Variants in PCDH15 observed in about 807,000 individuals in gnomAD.
PCDH15 encodes protocadherin-15.
In PCDH15, 129 loss-of-function variants were observed where a neutral mutation model predicts 178.5. The observed-to-expected ratio is 0.72, with a 90% confidence interval of 0.63 to 0.84. PCDH15 has a LOEUF of 0.84. PCDH15 is among the 40% of genes least tolerant of loss of function. PCDH15 has a pLI of 0.00. For missense variants in PCDH15, 2,230 were observed against 2,099.9 expected (o/e 1.06, Z -1.21); for synonymous variants, 800 against 732.0 (o/e 1.09, Z -1.50).
At chr10:54,478,272 A>T (rs1013146573) in intron 3 of PCDH15, among the ~76,000 whole-genome samples, 3 of 152,126 alleles carry the variant, frequency 2.0e-5, no homozygotes, top group Admixed American at 6.6e-5. Flanking sequence ...GATATTTTTT[A>T]AAAAATGAAA....
intron 2 of PCDH15, among the ~76,000 whole-genome samples, chr10:55,583,123 G>A (rs1842656278): frequency 6.6e-6 from 1 of 151,990 alleles, no homozygotes; most frequent in Non-Finnish European, 1.5e-5. Flanking sequence ...ATTAAAACAT[G>A]AATCTCCATG....
intron 2 of PCDH15, among the ~76,000 whole-genome samples, chr10:54,629,410 C>T (rs981361302): frequency 2.6e-5 from 4 of 152,098 alleles, no homozygotes; most frequent in African/African-American, 9.7e-5. Context: ...ATCAAGAAGG[C>T]TATATTCCTG....
At chr10:54,632,503 A>G (rs1472729913) in intron 2 of PCDH15, among the ~76,000 whole-genome samples, 1 of 152,122 alleles carries the variant, frequency 6.6e-6, no homozygotes, top group South Asian at 2.1e-4. Flanking sequence ...ATCAAGGGAA[A>G]CTGTGTGAGA....
chr10:54,353,415 G>T (rs530992322), intron 5 of PCDH15, among the ~76,000 whole-genome samples: 6 of 152,146 alleles, frequency 3.9e-5, no homozygotes, highest in Admixed American at 1.3e-4. Flanking sequence ...AAAATGCAGA[G>T]ATCTTAAATA....
chr10:54,152,956 A>T (rs2044688116), intron 14 of PCDH15, 144 bp downstream of exon 14: 5 of 965,252 alleles, frequency 5.2e-6, no homozygotes, highest in South Asian at 4.3e-5. Flanking sequence ...ATATGCATGC[A>T]GTTCCTGAGA....
chr10:53,854,109 T>TA (rs2078571977), intron 28 of PCDH15, among the ~76,000 whole-genome samples: 1 of 152,028 alleles, frequency 6.6e-6, no homozygotes, highest in Non-Finnish European at 1.5e-5. Context: ...TGCTAAGCTG[T>TA]AACATGGATG....
chr10:54,725,419 G>C (rs1475135788), intron 1 of PCDH15, among the ~76,000 whole-genome samples: 2 of 146,086 alleles, frequency 1.4e-5, no homozygotes, highest in Non-Finnish European at 3.0e-5. Context: ...CCTCATGCCA[G>C]TAATCCCAGC....
At chr10:54,049,574 T>G (rs1212921346) in intron 18 of PCDH15, among the ~76,000 whole-genome samples, 1 of 152,136 alleles carries the variant, frequency 6.6e-6, no homozygotes. Context: ...GTTTTTATCA[T>G]GAGGAAATAT....
intron 2 of PCDH15, among the ~76,000 whole-genome samples, chr10:55,125,848 T>C (rs1426806947): frequency 1.3e-5 from 2 of 152,116 alleles, no homozygotes; most frequent in African/African-American, 2.4e-5. Flanking sequence ...CAGGTTGGCA[T>C]AGCTTGGTAG....
intron 9 of PCDH15, among the ~76,000 whole-genome samples, chr10:54,230,979 A>G (rs1197467322): frequency 6.6e-6 from 1 of 152,242 alleles, no homozygotes; most frequent in Non-Finnish European, 1.5e-5. Flanking sequence ...TATTAATGAC[A>G]GTGCTGCAAC....
intron 2 of PCDH15, among the ~76,000 whole-genome samples, chr10:55,157,805 T>C (rs1418634608): frequency 7.6e-6 from 1 of 130,808 alleles, no homozygotes; most frequent in African/African-American, 2.8e-5. Flanking sequence ...GGGCCTGCTG[T>C]GGGGTGGGGG....
intron 3 of PCDH15, among the ~76,000 whole-genome samples, chr10:54,488,511 G>C (rs1402466204): frequency 2.0e-5 from 3 of 151,778 alleles, no homozygotes; most frequent in Non-Finnish European, 4.4e-5. Flanking sequence ...TAGCATAGCT[G>C]TAGTGTTAGA....
intron 2 of PCDH15, among the ~76,000 whole-genome samples, chr10:55,101,812 C>T (rs1842583458): frequency 6.6e-6 from 1 of 151,326 alleles, no homozygotes; most frequent in South Asian, 2.1e-4. Context: ...CCAGAAAGAA[C>T]AATTTTAAAA....
chr10:55,315,189 A>G (rs1172356002), intron 1 of PCDH15, among the ~76,000 whole-genome samples: 1 of 152,160 alleles, frequency 6.6e-6, no homozygotes, highest in African/African-American at 2.4e-5. Context: ...ACAATACATA[A>G]TTATATTTGA....
At chr10:54,421,822 A>AGTGTGTG (rs1554963565) in intron 3 of PCDH15, among the ~76,000 whole-genome samples, 27 of 75,468 alleles carry the variant, frequency 3.6e-4, no homozygotes, top group African/African-American at 1.5e-3. Context: ...GTGTGTATAT[A>AGTGTGTG]TATATATATA....
rs2094145146 is a variant in PCDH15 at position 54,066,855 on chromosome 10, T to C, written c.2122A>G (p.Thr708Ala). Residue 708 changes from threonine to alanine, a missense_variant, in exon 18 of 38, where the codon ACA becomes GCA. Coordinates refer to ENST00000644397, the MANE Select transcript of PCDH15 (RefSeq NM_001384140.1). ...ACTGGAGCATTGTCATTGACATCTG[T>C]CACCACTATGTTTACTGTGGCAGTT... ...TSTATVNIVV[T>A]DVNDNAPVFD... 6.2e-7 allele frequency: 1 copy of C among 1,613,386 alleles called. No homozygotes were observed. The highest frequency in any genetic ancestry group is 2.2e-5 in the East Asian group (1 of 44,780).
chr10:55,461,649 C>A (rs1839681489), intron 2 of PCDH15, among the ~76,000 whole-genome samples: 1 of 152,006 alleles, frequency 6.6e-6, no homozygotes, highest in Non-Finnish European at 1.5e-5. Flanking sequence ...GATATAAGGT[C>A]AAGTTTTCAG....
intron 8 of PCDH15, among the ~76,000 whole-genome samples, chr10:54,247,624 G>A (rs948602438): frequency 2.6e-5 from 4 of 151,796 alleles, no homozygotes; most frequent in Admixed American, 6.6e-5. Flanking sequence ...GGCTCACAGC[G>A]CTTCATTGAG....
At chr10:54,969,669 CA>C (rs1838883026) in intron 2 of PCDH15, among the ~76,000 whole-genome samples, 1 of 152,164 alleles carries the variant, frequency 6.6e-6, no homozygotes, top group Non-Finnish European at 1.5e-5. Context: ...CTCCTAAACT[CA>C]GAGATACCTT....
Sources: allele counts gnomAD v4.1 joint callset (sites outside exome capture counted in the v4.1 genomes callset), GRCh38; gene constraint gnomAD v4.1.1; transcripts MANE v1.5; gene names NCBI Gene and HGNC (gene_info 2026-07-23, HGNC 2026-07-21).